Variants in SLC6A9 observed in about 807,000 individuals in gnomAD.
The protein encoded by SLC6A9 is sodium- and chloride-dependent glycine transporter 1.
A neutral mutation model predicts 70.9 loss-of-function variants in SLC6A9; 31 were observed. The ratio of observed to expected loss-of-function variants is 0.44; its 90% CI spans 0.33 to 0.59. The LOEUF is 0.59. SLC6A9 is among the 20% of genes least tolerant of loss of function. SLC6A9 has a pLI of 0.04. For missense variants in SLC6A9, 631 were observed against 845.2 expected, an observed-to-expected ratio of 0.75 and a Z score of 3.14; for synonymous variants, 310 against 341.3, an observed-to-expected ratio of 0.91 and a Z score of 1.01.
At chr1:43,999,152 G>A (rs538518768) in intron 12 of SLC6A9, among the ~76,000 whole-genome samples, 2 of 152,180 alleles carry the variant, frequency 1.3e-5, no homozygotes. Flanking sequence ...CCTGACCTAC[G>A]TGTGGACAAA....
intron 2 of SLC6A9, among the ~76,000 whole-genome samples, chr1:44,022,660 A>T (rs2086904287): frequency 6.6e-6 from 1 of 151,402 alleles, no homozygotes; most frequent in Middle Eastern, 3.4e-3. Flanking sequence ...CTTGGAGCAG[A>T]ACCACCGGTT....
At chr1:43,998,057 G>A (rs1357913577) in intron 12 of SLC6A9, 32 bp from the exon 13 acceptor site, 1 of 1,579,694 alleles carries the variant, frequency 6.3e-7, no homozygotes, top group Non-Finnish European at 8.6e-7. Context: ...GTGGGCGTGA[G>A]GCCGACCCAG....
At chr1:44,021,973 C>G (rs1302559553) in intron 2 of SLC6A9, among the ~76,000 whole-genome samples, 1 of 152,264 alleles carries the variant, frequency 6.6e-6, no homozygotes, top group Non-Finnish European at 1.5e-5. Flanking sequence ...CAAGCAACCA[C>G]TGGGGGTGCC....
intron 5 of SLC6A9, among the ~76,000 whole-genome samples, chr1:44,005,086 A>G (rs759689007): frequency 1.3e-5 from 2 of 152,170 alleles, no homozygotes; most frequent in African/African-American, 2.4e-5. Flanking sequence ...GCCCAATTTC[A>G]TGGACAAATG....
At chr1:43,998,764 C>T (rs1366762460) in intron 12 of SLC6A9, among the ~76,000 whole-genome samples, 1 of 152,172 alleles carries the variant, frequency 6.6e-6, no homozygotes, top group African/African-American at 2.4e-5. Context: ...TAGGGCAAAG[C>T]CCTGCCTGTC....
At chr1:44,010,912 G>A (rs748705212) in intron 2 of SLC6A9, 30 bp from the exon 3 acceptor site, 1 of 1,613,250 alleles carries the variant, frequency 6.2e-7, no homozygotes, top group South Asian at 1.1e-5. Flanking sequence ...GCTACCATCA[G>A]CAAGGCATTT....
intron 2 of SLC6A9, chr1:44,017,259 C>G: frequency 6.6e-7 from 1 of 1,507,924 alleles, no homozygotes; most frequent in Non-Finnish European, 8.8e-7. Context: ...TCCCCTGGCC[C>G]TGCCCCTCCG....
rs2086649280 is a variant in SLC6A9 at position 44,013,677 on chromosome 1, T to C, written c.31-2795A>G. ...CTCTGTCTTCAACTCCAGGGCTGTC[T>C]ACGCTCAGGTGGCTTGGCTGGGGAG... On this transcript the variant is annotated intron_variant, in intron 2 of 13. Coordinates refer to ENST00000372310, the MANE Select transcript of SLC6A9 (RefSeq NM_001024845.3). The surrounding 1 kb of genome is among the most constrained non-coding windows in gnomAD (Gnocchi z 5.3). 6.6e-6 allele frequency among the ~76,000 whole-genome samples: 1 copy of C among 152,130 alleles called. No individual in the cohort carries two copies. Among genetic ancestry groups the C allele is most frequent in the Admixed American group, 6.6e-5 (1 of 15,266 alleles).
chr1:44,031,270 C>CT (rs2087115031), intron 1 of SLC6A9, 36 bp downstream of exon 1: 1 of 152,566 alleles, frequency 6.6e-6, no homozygotes, highest in Non-Finnish European at 1.5e-5. Context: ...CAGACGGAGG[C>CT]GCGGGCCCCA....
chr1:44,020,378 CT>C (rs1335288379), intron 2 of SLC6A9, among the ~76,000 whole-genome samples: 1 of 152,150 alleles, frequency 6.6e-6, no homozygotes, highest in Admixed American at 6.5e-5. Context: ...AGGTCCTGTA[CT>C]AGGGGAGTAC....
chr1:44,030,376 G>C (rs996550913), intron 1 of SLC6A9: 5 of 152,280 alleles, frequency 3.3e-5, no homozygotes, highest in African/African-American at 1.2e-4. Context: ...CCGCCCCCGG[G>C]CCGGCACCGG....
At position 44,002,350 on chromosome 1, in the gene SLC6A9, T is replaced by C. The variant is rs1186259298; in HGVS notation, c.925A>G (p.Met309Val). The C allele has an allele frequency of 2.5e-6, 4 of 1,614,012 alleles. No homozygotes were observed. Among genetic ancestry groups the C allele is most frequent in the Non-Finnish European group, 2.5e-6 (3 of 1,179,908 alleles). ...TTGTGGAACTTGTTGTAGGAAGCCA[T>C]GGTGATGAGGCCTCCCCACGCGCAG... is the stretch of plus-strand genomic sequence containing the variant. ...LGCAWGGLIT[M>V]ASYNKFHNNC... Residue 309 changes from methionine to valine, a missense_variant, in exon 8 of 14, where the codon ATG becomes GTG. Physicochemically the swap from Met to Val is conservative, Grantham distance 21. Transcript: ENST00000372310. This position sits in a 1 kb window ranked among gnomAD's most constrained non-coding sequence, Gnocchi z 5.5.
Position 44,008,521 on chromosome 1 carries a change from AC to A in SLC6A9, c.421del (p.Val141CysfsTer61). ...GTTATTGCAGTAGGCCCAGGGCAGC[AC>A]GTGCGTCATGGACGAGAAGAAGTAG... ...FYYFFSSMTH[V>X]LPWAYCNNPW... is the part of the protein sequence containing the mutation. On this transcript the variant is annotated frameshift_variant, in exon 5 of 14. Transcript: ENST00000372310. LOFTEE classifies it high-confidence loss of function. 2 of 1,614,178 alleles carry A rather than the reference AC, an allele frequency of 1.2e-6. No homozygotes were observed. The highest frequency in any genetic ancestry group is 1.7e-6 in the Non-Finnish European group (2 of 1,180,030).
At chr1:44,017,076 C>A in intron 2 of SLC6A9, 1 of 1,603,638 alleles carries the variant, frequency 6.2e-7, no homozygotes, top group Non-Finnish European at 8.5e-7. Context: ...GCCACAGGTC[C>A]ATGAGCCGCG....
intron 2 of SLC6A9, among the ~76,000 whole-genome samples, chr1:44,020,321 G>A (rs2086857833): frequency 6.6e-6 from 1 of 152,206 alleles, no homozygotes; most frequent in Non-Finnish European, 1.5e-5. Flanking sequence ...TGCTGAGACA[G>A]CACTCATTGT....
At chr1:44,016,972 C>G (rs1467651914) in intron 2 of SLC6A9, 2 of 1,453,710 alleles carry the variant, frequency 1.4e-6, no homozygotes, top group Non-Finnish European at 1.8e-6. Flanking sequence ...CTCAGCCCCT[C>G]TCCCCATCCG....
chr1:43,997,985 G>T lies in SLC6A9; in HGVS notation c.1577C>A (p.Thr526Asn), dbSNP rs200037433. Residue 526 changes from threonine to asparagine, a missense_variant, in exon 13 of 14, where the codon ACC becomes AAC. Physicochemically the swap from Thr to Asn is moderately conservative, Grantham distance 65. Coordinates refer to ENST00000372310, the MANE Select transcript of SLC6A9 (RefSeq NM_001024845.3). The surrounding 1 kb of genome is among the most constrained non-coding windows in gnomAD (Gnocchi z 4.4). ...VFTVIQYQPI[T>N]YNHYQYPGWA... is the part of the protein sequence containing the mutation. ...GCCTGGGTACTGGTAGTGGTTGTAG[G>T]TGATCGGCTGGTACTGGATCACAGT... is the stretch of plus-strand genomic sequence containing the variant. The T allele has an allele frequency of 1.9e-6, 3 of 1,613,952 alleles. No individual in the cohort carries two copies. The highest frequency in any genetic ancestry group is 1.1e-5 in the South Asian group (1 of 91,082).
intron 2 of SLC6A9, among the ~76,000 whole-genome samples, chr1:44,022,310 T>C (rs1043461465): frequency 6.6e-6 from 1 of 152,150 alleles, no homozygotes; most frequent in Admixed American, 6.5e-5. Context: ...AGAGGTTTCA[T>C]GGGGCTCAGA....
intron 1 of SLC6A9, among the ~76,000 whole-genome samples, chr1:44,024,601 C>T (rs553438281): frequency 6.6e-6 from 1 of 152,364 alleles, no homozygotes; most frequent in Non-Finnish European, 1.5e-5. Flanking sequence ...CTATTTTTGA[C>T]TTTCCAGATG....
Sources: allele counts gnomAD v4.1 joint callset (sites outside exome capture counted in the v4.1 genomes callset), GRCh38; gene constraint gnomAD v4.1.1; non-coding constraint Gnocchi (gnomAD v3.1); transcripts MANE v1.5; gene names NCBI Gene and HGNC (gene_info 2026-07-23, HGNC 2026-07-21).